MYLK: variants seen among roughly 807,000 people sequenced by gnomAD.
MYLK encodes myosin light chain kinase, smooth muscle.
MYLK carries 106 observed loss-of-function variants against 203.4 expected under a neutral mutation model. The observed-to-expected ratio is 0.52, with a 90% confidence interval of 0.45 to 0.61. The LOEUF is 0.61. Among genes scored for constraint, MYLK ranks in the 20% least tolerant of loss-of-function variants. MYLK has a pLI of 0.00. For synonymous variants in MYLK, 867 were observed against 959.5 expected, an observed-to-expected ratio of 0.90 and a Z score of 1.78; for missense variants, 2,072 against 2,442.3, an observed-to-expected ratio of 0.85 and a Z score of 3.20.
rs2064869036 is a variant in MYLK, at chr3:123,793,595, C to A, written c.165+82G>T. 5.9e-6 allele frequency: 9 copies of A among 1,514,684 alleles called. No individual in the cohort carries two copies. In the East Asian group the frequency reaches 2.0e-4, roughly 34 times the overall value. 93.8% of individuals were successfully genotyped at this position (1,514,684 alleles called of 1,614,324 possible). A position where few individuals can be genotyped will look rare whatever the true frequency, so the allele number is the denominator to read the frequency against. On this transcript the variant is annotated intron_variant, in intron 4 of 33. Transcript: ENST00000360304. The stretch of plus-strand genomic sequence containing the variant: ...AATTGAGCCTTCTATTAGATCCAGC[C>A]GGCCCAGGAAAAGGCTTGACAAGGA...
intron 2 of MYLK, among the ~76,000 whole-genome samples, chr3:123,849,840 C>T (rs1011956946): frequency 6.6e-6 from 1 of 152,028 alleles, no homozygotes; most frequent in African/African-American, 2.4e-5. Flanking sequence ...GTGTGCTGCA[C>T]CCATTAACTC....
At chr3:123,861,483 G>A (rs188240247) in intron 2 of MYLK, among the ~76,000 whole-genome samples, 21 of 152,368 alleles carry the variant, frequency 1.4e-4, no homozygotes, top group African/African-American at 4.6e-4. Flanking sequence ...TCAAATATCA[G>A]TTATTACTGT....
intron 18 of MYLK, among the ~76,000 whole-genome samples, chr3:123,699,294 G>A (rs1303094292): frequency 6.6e-6 from 1 of 152,068 alleles, no homozygotes; most frequent in East Asian, 1.9e-4. Flanking sequence ...GAAAACTCCA[G>A]ACCCCAAAAG....
chr3:123,635,717 T>C (rs1042649104), intron 29 of MYLK, among the ~76,000 whole-genome samples: 7 of 152,156 alleles, frequency 4.6e-5, no homozygotes, highest in African/African-American at 1.7e-4. Context: ...CATTTGACAA[T>C]AAAGTGCCCT....
intron 23 of MYLK, among the ~76,000 whole-genome samples, chr3:123,659,110 G>A (rs1360607781): frequency 6.6e-6 from 1 of 152,180 alleles, no homozygotes; most frequent in Non-Finnish European, 1.5e-5. Context: ...TGGCTAAGAT[G>A]TTTATTACTC....
chr3:123,613,910 C>T lies in MYLK; in HGVS notation c.*195G>A. ...CTGCACTAGTATCTTAAGGTGCCAA[C>T]TAACATAGATTAATGCCCATCAATA... On this transcript the variant is annotated 3_prime_UTR_variant, in exon 34 of 34. Transcript: ENST00000360304. 1 of 638,914 alleles carries T rather than the reference C, an allele frequency of 1.6e-6. No homozygotes were observed. The highest frequency in any genetic ancestry group is 1.9e-5 in the South Asian group (1 of 52,126). The allele number at this position is 638,914 out of a possible 1,614,324, so 39.6% of individuals were successfully genotyped here. A position where few individuals can be genotyped will look rare whatever the true frequency, so the allele number is the denominator to read the frequency against.
intron 4 of MYLK, among the ~76,000 whole-genome samples, chr3:123,773,133 CA>C (rs565535597): frequency 2.5e-4 from 38 of 151,502 alleles, no homozygotes; most frequent in Non-Finnish European, 4.9e-4. Flanking sequence ...ATAATAAGAC[CA>C]AAATACTATA....
intron 2 of MYLK, among the ~76,000 whole-genome samples, chr3:123,867,933 C>T (rs1240834939): frequency 6.6e-6 from 1 of 152,214 alleles, no homozygotes; most frequent in African/African-American, 2.4e-5. Context: ...CAGAGCCCTA[C>T]AGAAAGTGAG....
intron 27 of MYLK, among the ~76,000 whole-genome samples, chr3:123,646,668 A>T (rs1376752120): frequency 6.6e-6 from 1 of 152,218 alleles, no homozygotes; most frequent in East Asian, 1.9e-4. Flanking sequence ...CCTTTGTACA[A>T]CCCCATAGGG....
intron 13 of MYLK, among the ~76,000 whole-genome samples, chr3:123,720,953 AGGCT>A (rs2062065664): frequency 6.6e-6 from 1 of 152,188 alleles, no homozygotes; most frequent in Non-Finnish European, 1.5e-5. Flanking sequence ...TGAAAGTCAC[AGGCT>A]GTGGGCTCCA....
chr3:123,829,893 C>T (rs1373441689), intron 3 of MYLK, among the ~76,000 whole-genome samples: 2 of 152,218 alleles, frequency 1.3e-5, no homozygotes, highest in African/African-American at 2.4e-5. Context: ...AAGAGCTTTG[C>T]TCACATGGCC....
intron 3 of MYLK, among the ~76,000 whole-genome samples, chr3:123,820,652 T>TTCCTTCCTTCCTTCCCTCCC (rs1560259959): frequency 8.4e-4 from 96 of 113,924 alleles, no homozygotes; most frequent in Middle Eastern, 5.3e-3. Flanking sequence ...CCCTCCTTCC[T>TTCCTTCCTTCCTTCCCTCCC]TCCTTCCTTC....
chr3:123,615,551 C>T (rs1312204309), intron 33 of MYLK, among the ~76,000 whole-genome samples: 2 of 152,012 alleles, frequency 1.3e-5, no homozygotes, highest in African/African-American at 4.8e-5. Flanking sequence ...CCAGGCTGGT[C>T]TGTATCTCCT....
At chr3:123,623,814 G>T (rs1243700726) in intron 31 of MYLK, 3 of 152,142 alleles carry the variant, frequency 2.0e-5, no homozygotes, top group Non-Finnish European at 4.4e-5. Flanking sequence ...ACATGAAATG[G>T]TTAGAGCTGT....
At chr3:123,770,636 C>T (rs930710412) in intron 4 of MYLK, among the ~76,000 whole-genome samples, 6 of 152,196 alleles carry the variant, frequency 3.9e-5, no homozygotes, top group Admixed American at 1.3e-4. Context: ...CAGTGCCCGG[C>T]TGGCACCTGG....
At chr3:123,761,958 T>C (rs1387811875) in intron 4 of MYLK, among the ~76,000 whole-genome samples, 4 of 151,952 alleles carry the variant, frequency 2.6e-5, no homozygotes, top group African/African-American at 4.8e-5. Flanking sequence ...ATCCAGGAGA[T>C]GGAGGTTGCA....
At chr3:123,799,316 A>C (rs1226458976) in intron 3 of MYLK, among the ~76,000 whole-genome samples, 2 of 152,236 alleles carry the variant, frequency 1.3e-5, no homozygotes, top group Non-Finnish European at 2.9e-5. Flanking sequence ...AAAGCACTTT[A>C]AATTGTCTCT....
intron 4 of MYLK, among the ~76,000 whole-genome samples, chr3:123,784,770 A>G (rs1560213282): frequency 6.6e-6 from 1 of 152,188 alleles, no homozygotes; most frequent in Non-Finnish European, 1.5e-5. Flanking sequence ...TAGTTTCCAA[A>G]TGCAGGTGGC....
At chr3:123,789,875 A>C (rs569830962) in intron 4 of MYLK, among the ~76,000 whole-genome samples, 1 of 152,104 alleles carries the variant, frequency 6.6e-6, no homozygotes, top group Non-Finnish European at 1.5e-5. Context: ...ACCACAATCA[A>C]CTCAGAATAA....
Sources: gnomAD v4.1 joint callset for allele counts (sites outside exome capture counted in the v4.1 genomes callset) on GRCh38, gnomAD v4.1.1 for gene constraint, MANE v1.5 for transcripts, NCBI Gene and HGNC (gene_info 2026-07-23, HGNC 2026-07-21) for gene names.